CHST8: variants seen among roughly 807,000 people sequenced by gnomAD.
The protein encoded by CHST8 is GALNAC-4-ST1.
CHST8 carries 10 observed loss-of-function variants against 15.0 expected under a neutral mutation model. That is an observed-to-expected ratio of 0.67 (90% CI 0.41 to 1.13). The LOEUF (loss-of-function observed/expected upper bound fraction) is 1.13, where lower values mean the gene tolerates loss of function less well. CHST8 is among the 50% of genes most tolerant of loss of function. The pLI is 0.00. For missense variants in CHST8, 634 were observed against 608.2 expected, an observed-to-expected ratio of 1.04 and a Z score of -0.45; for synonymous variants, 259 against 256.6, an observed-to-expected ratio of 1.01 and a Z score of -0.09.
rs74593840 is a variant in CHST8, at chr19:33,736,017, C to T, written c.131-35396C>T. Among the ~76,000 whole-genome samples the T allele has an allele frequency of 4.5e-3, 683 of 152,326 alleles. 14 individuals carry two copies. In the East Asian group the frequency reaches 0.072, roughly 16 times the overall value. On this transcript the variant is annotated intron_variant, in intron 3 of 4. Transcript: ENST00000650847. ...CCTGCTGCAGGGCCAGGGATGGCTT[C>T]AGCCCAACGATGCTAAGAATCCATG...
At chr19:33,664,202 A>G (rs1385972602) in intron 1 of CHST8, among the ~76,000 whole-genome samples, 4 of 152,126 alleles carry the variant, frequency 2.6e-5, no homozygotes, top group Non-Finnish European at 5.9e-5. Flanking sequence ...GTACTTGTGT[A>G]ATTTAAAGAG....
At chr19:33,694,198 AT>A (rs1568331119) in intron 3 of CHST8, among the ~76,000 whole-genome samples, 2,217 of 111,286 alleles carry the variant, frequency 0.02, 143 homozygotes, top group African/African-American at 0.074. Context: ...ATATATATAT[AT>A]ATATATATAT....
intron 2 of CHST8, among the ~76,000 whole-genome samples, chr19:33,672,835 G>C (rs899649577): frequency 6.6e-6 from 1 of 152,180 alleles, no homozygotes; most frequent in African/African-American, 2.4e-5. Context: ...GGAAGAAAGA[G>C]AAATGACATT....
intron 2 of CHST8, chr19:33,685,317 C>T (rs1185928288): frequency 1.3e-5 from 2 of 151,932 alleles, no homozygotes. Flanking sequence ...TTCGCCCTGC[C>T]CTGTGTCCCA....
intron 3 of CHST8, among the ~76,000 whole-genome samples, chr19:33,692,429 G>A (rs1045201723): frequency 1.3e-5 from 2 of 152,168 alleles, no homozygotes; most frequent in African/African-American, 4.8e-5. Flanking sequence ...CAGGTGTGGT[G>A]GCACGTGCCT....
At chr19:33,739,759 T>A (rs911091539) in intron 3 of CHST8, among the ~76,000 whole-genome samples, 1 of 152,178 alleles carries the variant, frequency 6.6e-6, no homozygotes, top group Non-Finnish European at 1.5e-5. Context: ...AGTCCCTGAA[T>A]GCTTAGGTAA....
Position 33,669,802 on chromosome 19 carries a change from G to A in CHST8, c.-87+1959G>A, listed in dbSNP as rs552348856. On this transcript the variant is annotated intron_variant, in intron 2 of 4. Transcript: ENST00000650847. ...CTATTATTTAACTATTAGTTGTGATGAATGGATGATGAAGGGAACCAACGT... is the reference window on the plus strand; with the variant it reads ...CTATTATTTAACTATTAGTTGTGATAAATGGATGATGAAGGGAACCAACGT... 7.2e-5 allele frequency among the ~76,000 whole-genome samples: 11 copies of A among 152,302 alleles called. No homozygotes were observed. The South Asian group carries it at 2.1e-3, about 29-fold the overall frequency.
At chr19:33,631,602 C>T (rs1387847506) in intron 1 of CHST8, among the ~76,000 whole-genome samples, 1 of 152,202 alleles carries the variant, frequency 6.6e-6, no homozygotes, top group Non-Finnish European at 1.5e-5. Flanking sequence ...TTGCTGTTTC[C>T]TGCTTAGATT....
At chr19:33,684,986 A>T (rs1031114941) in intron 2 of CHST8, 1 of 152,028 alleles carries the variant, frequency 6.6e-6, no homozygotes, top group African/African-American at 2.4e-5. Context: ...GTGCAAGGAG[A>T]CCCACCGGAC....
chr19:33,729,681 C>G (rs754318888), intron 3 of CHST8, among the ~76,000 whole-genome samples: 1 of 152,204 alleles, frequency 6.6e-6, no homozygotes. Flanking sequence ...ACACCCAAAC[C>G]TGGTTGCAAC....
chr19:33,757,515 A>G lies in CHST8; in HGVS notation c.131-13898A>G, dbSNP rs559929540. Among the ~76,000 whole-genome samples the G allele has an allele frequency of 4.1e-4, 22 of 53,142 alleles. 1 individual carries two copies. Among genetic ancestry groups the G allele is most frequent in the Admixed American group, 8.3e-4 (4 of 4,830 alleles). The allele number at this position is 53,142 out of a possible 152,430, so 34.9% of individuals were successfully genotyped here. A position where few individuals can be genotyped will look rare whatever the true frequency, so the allele number is the denominator to read the frequency against. On this transcript the variant is annotated intron_variant, in intron 3 of 4. Transcript: ENST00000650847. The stretch of plus-strand genomic sequence containing the variant: ...GAAAGAAAGAAAGAAAGAAAGAAAG[A>G]AAGAAAGAGAAAGAAAGAAAGAAAG...
chr19:33,695,002 CTGG>C (rs1372271974), intron 3 of CHST8, among the ~76,000 whole-genome samples: 1 of 149,242 alleles, frequency 6.7e-6, no homozygotes, highest in Non-Finnish European at 1.5e-5. Flanking sequence ...GTGGCCCGGG[CTGG>C]TGTATAGTCT....
intron 1 of CHST8, among the ~76,000 whole-genome samples, chr19:33,635,125 A>G (rs1228921823): frequency 6.6e-6 from 1 of 152,144 alleles, no homozygotes; most frequent in African/African-American, 2.4e-5. Flanking sequence ...CCATCCCTGC[A>G]CCATGCGGCC....
rs34651897 is a variant in CHST8, at chr19:33,733,232, C to CTTTT, written c.131-38165_131-38162dup. ...CCAAGAGACAAAGACCAGATATATT[C>CTTTT]TTTTTTTTTTTTTTTTTTTGAGATG... On this transcript the variant is annotated intron_variant, in intron 3 of 4. Coordinates refer to ENST00000650847, the MANE Select transcript of CHST8 (RefSeq NM_001127895.2). Among the ~76,000 whole-genome samples the CTTTT allele has an allele frequency of 3.7e-4, 46 of 125,602 alleles. 1 individual carries two copies. The highest frequency in any genetic ancestry group is 1.3e-3 in the African/African-American group (42 of 32,124). 82.4% of individuals were successfully genotyped at this position (125,602 alleles called of 152,430 possible).
intron 1 of CHST8, among the ~76,000 whole-genome samples, chr19:33,662,575 G>T (rs552183100): frequency 6.6e-6 from 1 of 152,182 alleles, no homozygotes; most frequent in African/African-American, 2.4e-5. Flanking sequence ...CTGTGAGGGG[G>T]TGCCTGGAGT....
chr19:33,663,563 C>T (rs187090721), intron 1 of CHST8, among the ~76,000 whole-genome samples: 78 of 152,166 alleles, frequency 5.1e-4, no homozygotes, highest in African/African-American at 1.8e-3. Flanking sequence ...GACCCTGTCC[C>T]CCAAAAAGGT....
At chr19:33,654,653 A>G (rs76103325) in intron 1 of CHST8, among the ~76,000 whole-genome samples, 2,180 of 152,040 alleles carry the variant, frequency 0.014, 45 homozygotes, top group African/African-American at 0.049. Flanking sequence ...GATTCTTTTC[A>G]TTCTGGGAGG....
chr19:33,657,463 G>T (rs1972525716), intron 1 of CHST8, among the ~76,000 whole-genome samples: 1 of 151,354 alleles, frequency 6.6e-6, no homozygotes, highest in Non-Finnish European at 1.5e-5. Context: ...GAGATGGGGG[G>T]GTTTCGTTAT....
chr19:33,745,460 C>T (rs563779250), intron 3 of CHST8, among the ~76,000 whole-genome samples: 1 of 152,358 alleles, frequency 6.6e-6, no homozygotes, highest in African/African-American at 2.4e-5. Flanking sequence ...ATGCTGGGGA[C>T]CTCCTTGCTG....
Sources: allele counts gnomAD v4.1 joint callset (sites outside exome capture counted in the v4.1 genomes callset), GRCh38; gene constraint gnomAD v4.1.1; transcripts MANE v1.5; gene names NCBI Gene and HGNC (gene_info 2026-07-23, HGNC 2026-07-21).